The following MICAL3 variants were observed in gnomAD, a reference collection of about 807,000 sequenced individuals.
MICAL3 encodes the protein [F-actin]-monooxygenase MICAL3.
In MICAL3, 62 loss-of-function variants were observed where a neutral mutation model predicts 207.4. The observed-to-expected ratio is 0.30, with a 90% CI of 0.24 to 0.37. MICAL3 has a LOEUF of 0.37. Among genes scored for constraint, MICAL3 ranks in the 10% least tolerant of loss-of-function variants. MICAL3 has a pLI of 1.00. For missense variants in MICAL3, 2,368 were observed against 2,635.6 expected (o/e 0.90, Z 2.22); for synonymous variants, 1,077 against 1,069.3 (o/e 1.01, Z -0.14).
In MICAL3 at chr22:17,976,997, G is replaced by A. The variant is rs577075293; in HGVS notation, c.-75+47284C>T. Among the ~76,000 whole-genome samples the A allele has an allele frequency of 4.6e-5, 7 of 151,770 alleles. No homozygotes were observed. The South Asian group carries it at 8.3e-4, about 18-fold the overall frequency. ...AATTTTTTGTATTTTTAGTAGAGAC[G>A]GGGTTTCACCGTGTTAGCCAGGATG... On this transcript the variant is annotated intron_variant, in intron 1 of 31. Coordinates refer to ENST00000441493, the MANE Select transcript of MICAL3 (RefSeq NM_015241.3).
At chr22:17,853,273 C>G (rs1049938373) in intron 19 of MICAL3, among the ~76,000 whole-genome samples, 1 of 152,186 alleles carries the variant, frequency 6.6e-6, no homozygotes, top group Non-Finnish European at 1.5e-5. Context: ...TTCACAACAG[C>G]TGGCACGCAA....
chr22:18,015,720 C>T (rs1004361326), intron 1 of MICAL3, among the ~76,000 whole-genome samples: 1 of 152,142 alleles, frequency 6.6e-6, no homozygotes. Context: ...TTCAGCACAG[C>T]TATGGCACAG....
At chr22:17,819,227 G>A (rs1309532904) in intron 25 of MICAL3, 98 bp from the exon 26 acceptor site, 1 of 1,236,638 alleles carries the variant, frequency 8.1e-7, no homozygotes, top group Non-Finnish European at 1.1e-6. Context: ...CTGCACCTGT[G>A]CCTGCTGCAG....
intron 21 of MICAL3, among the ~76,000 whole-genome samples, chr22:17,830,087 T>G (rs1922638388): frequency 6.6e-6 from 1 of 152,080 alleles, no homozygotes; most frequent in Admixed American, 6.5e-5. Context: ...CCTCAAATCT[T>G]CTTCCTGTGG....
intron 1 of MICAL3, among the ~76,000 whole-genome samples, chr22:18,015,604 G>T (rs975511904): frequency 6.6e-6 from 1 of 151,652 alleles, no homozygotes; most frequent in African/African-American, 2.4e-5. Flanking sequence ...GTAGAGACGG[G>T]GTTTCACCAT....
chr22:17,900,127 C>A lies in MICAL3; in HGVS notation c.848-579G>T, dbSNP rs1349610111. ...CGCTATCTGACACACGGTTTGCCTT[C>A]AAGCCTGAGCTGGAACTCAGGAAGA... On this transcript the variant is annotated intron_variant, in intron 6 of 31. Transcript: ENST00000441493. This position sits in a 1 kb window ranked among gnomAD's most constrained non-coding sequence, Gnocchi z 4.0. Among the ~76,000 whole-genome samples the A allele has an allele frequency of 6.6e-6, 1 of 152,190 alleles. No homozygotes were observed. The highest frequency in any genetic ancestry group is 2.4e-5 in the African/African-American group (1 of 41,444).
At position 17,841,677 on chromosome 22, in the gene MICAL3, C is replaced by T. The variant is rs139723943; in HGVS notation, c.2801+145G>A. ...ACTGACTAGAAGATGAGGCTAAGAA[C>T]CTAAAAGGGACTGGGGAGAATGGAC... On this transcript the variant is annotated intron_variant, in intron 20 of 31. Transcript: ENST00000441493. The surrounding 1 kb of genome is among the most constrained non-coding windows in gnomAD (Gnocchi z 4.2). 3.8e-3 allele frequency: 2,874 copies of T among 750,322 alleles called. 12 individuals carry two copies. Among genetic ancestry groups the T allele is most frequent in the Non-Finnish European group, 5.3e-3 (2,449 of 459,068 alleles). The allele number at this position is 750,322 out of a possible 1,614,324, so 46.5% of individuals were successfully genotyped here. A position where few individuals can be genotyped will look rare whatever the true frequency, so the allele number is the denominator to read the frequency against.
At chr22:17,825,769 G>A (rs529166463) in intron 22 of MICAL3, among the ~76,000 whole-genome samples, 33 of 152,310 alleles carry the variant, frequency 2.2e-4, no homozygotes, top group African/African-American at 5.5e-4. Flanking sequence ...TCCAAGGGCC[G>A]AGGCCAAGAA....
At chr22:17,808,598 G>A (rs2289717) in intron 29 of MICAL3, among the ~76,000 whole-genome samples, 22,312 of 152,254 alleles carry the variant, frequency 0.15, 2,633 homozygotes, top group African/African-American at 0.32. Flanking sequence ...GCATGCCGGG[G>A]ACTGAGTTTC....
In MICAL3 at chr22:17,854,315, C is replaced by T. The variant is rs117408265; in HGVS notation, c.2605+10584G>A. Among the ~76,000 whole-genome samples the T allele has an allele frequency of 7.8e-3, 1,187 of 152,270 alleles. 9 individuals are homozygous for T. The highest frequency in any genetic ancestry group is 0.012 in the Non-Finnish European group (825 of 68,014). ...GAAGCCCTCACAGCAAAGCAGGATC[C>T]AGCCCAAAACGTCCACAGTGCTGGG... On this transcript the variant is annotated intron_variant, in intron 19 of 31. Coordinates refer to ENST00000441493, the MANE Select transcript of MICAL3 (RefSeq NM_015241.3).
intron 20 of MICAL3, among the ~76,000 whole-genome samples, chr22:17,838,955 CTT>C (rs869097812): frequency 1.1e-5 from 1 of 88,438 alleles, no homozygotes; most frequent in Non-Finnish European, 2.1e-5. Context: ...CCCCTAGATG[CTT>C]TTTTTTTTTT....
At chr22:18,015,233 G>C (rs1277876424) in intron 1 of MICAL3, among the ~76,000 whole-genome samples, 1 of 151,928 alleles carries the variant, frequency 6.6e-6, no homozygotes, top group South Asian at 2.1e-4. Flanking sequence ...GTGACTCTTG[G>C]GATTCTTCTG....
chr22:17,877,306 T>C (rs796203704), intron 16 of MICAL3, among the ~76,000 whole-genome samples: 2 of 38,900 alleles, frequency 5.1e-5, no homozygotes, highest in African/African-American at 1.2e-4. Flanking sequence ...AGGGAGGTTA[T>C]GGAGGTTAGG....
chr22:17,976,531 A>ATGTGTGTGTGTGTGTGTGTGTG (rs1239655452), intron 1 of MICAL3, among the ~76,000 whole-genome samples: 9 of 114,738 alleles, frequency 7.8e-5, no homozygotes, highest in African/African-American at 3.5e-4. Context: ...ATATGTGTAT[A>ATGTGTGTGTGTGTGTGTGTGTG]TATATGTGTG....
chr22:17,954,982 G>A (rs547078207), intron 1 of MICAL3, among the ~76,000 whole-genome samples: 7 of 152,012 alleles, frequency 4.6e-5, no homozygotes, highest in Middle Eastern at 3.4e-3. Context: ...CCTCGGCCTC[G>A]CAAAATGCTG....
chr22:18,012,969 C>T (rs534514928), intron 1 of MICAL3, among the ~76,000 whole-genome samples: 1 of 152,248 alleles, frequency 6.6e-6, no homozygotes, highest in South Asian at 2.1e-4. Context: ...AACTACCTTT[C>T]CCCCACTGCA....
rs1178108148 is a variant in MICAL3 at position 17,902,235 on chromosome 22, C to T, written c.590-256G>A. ...CCAGCATGGTGAAACCCTGTCTCTA[C>T]TAAAATACAAAAATTAGCCAGGCAT... is the stretch of plus-strand genomic sequence containing the variant. On this transcript the variant is annotated intron_variant, in intron 4 of 31. Coordinates refer to ENST00000441493, the MANE Select transcript of MICAL3 (RefSeq NM_015241.3). The surrounding 1 kb of genome is among the most constrained non-coding windows in gnomAD (Gnocchi z 4.5). 2.6e-5 allele frequency among the ~76,000 whole-genome samples: 4 copies of T among 152,162 alleles called. No homozygotes were observed. Among genetic ancestry groups the T allele is most frequent in the African/African-American group, 9.7e-5 (4 of 41,432 alleles).
chr22:17,802,551 C>T (rs2061951207), intron 29 of MICAL3, among the ~76,000 whole-genome samples: 2 of 148,642 alleles, frequency 1.3e-5, no homozygotes, highest in South Asian at 2.1e-4. Context: ...TCTCCAAGGG[C>T]GTGGGTCCGT....
chr22:17,911,286 T>A (rs1932124138), intron 1 of MICAL3, among the ~76,000 whole-genome samples: 1 of 151,400 alleles, frequency 6.6e-6, no homozygotes, highest in African/African-American at 2.4e-5. Flanking sequence ...TTAGAAGAGG[T>A]AGCTGGATGT....
Sources: allele counts gnomAD v4.1 joint callset (sites outside exome capture counted in the v4.1 genomes callset), GRCh38; gene constraint gnomAD v4.1.1; non-coding constraint Gnocchi (gnomAD v3.1); transcripts MANE v1.5; gene names NCBI Gene and HGNC (gene_info 2026-07-23, HGNC 2026-07-21).